Variants in TXNDC11 observed in about 807,000 individuals in gnomAD.
TXNDC11 encodes the protein thioredoxin domain-containing protein 11.
Under a neutral mutation model 78.0 loss-of-function variants are expected in TXNDC11, and 68 were observed. That is an observed-to-expected ratio of 0.87 (90% CI 0.72 to 1.07). The LOEUF (loss-of-function observed/expected upper bound fraction) is 1.07. TXNDC11 is among the 50% of genes least tolerant of loss of function. The pLI, the probability that TXNDC11 is intolerant of heterozygous loss-of-function variation, is 0.00. For missense variants in TXNDC11, 1,389 were observed against 1,221.8 expected, an observed-to-expected ratio of 1.14 and a Z score of -2.04; for synonymous variants, 571 against 495.2, an observed-to-expected ratio of 1.15 and a Z score of -2.03.
At chr16:11,703,759 A>C in intron 5 of TXNDC11, 1 of 700,898 alleles carries the variant, frequency 1.4e-6, no homozygotes, top group South Asian at 1.5e-5. Context: ...AGCTGGGGTG[A>C]AGAAAGTACA....
At chr16:11,735,885 G>GT in intron 2 of TXNDC11, 132 bp downstream of exon 2, 2 of 764,258 alleles carry the variant, frequency 2.6e-6, no homozygotes, top group South Asian at 1.6e-5. Context: ...AGAAAGCTCT[G>GT]TAACTTAGAA....
chr16:11,713,001 T>C (rs1407254435), intron 5 of TXNDC11, among the ~76,000 whole-genome samples: 2 of 148,906 alleles, frequency 1.3e-5, no homozygotes, highest in African/African-American at 5.0e-5. Flanking sequence ...AAATCCCAGC[T>C]ACTTGGGAGG....
At chr16:11,696,682 G>A (rs1597427456) in intron 7 of TXNDC11, among the ~76,000 whole-genome samples, 1 of 152,162 alleles carries the variant, frequency 6.6e-6, no homozygotes, top group African/African-American at 2.4e-5. Context: ...GAGACAATGG[G>A]AGCCCCAAAG....
intron 5 of TXNDC11, among the ~76,000 whole-genome samples, chr16:11,709,530 G>T (rs2051281460): frequency 7.1e-6 from 1 of 141,700 alleles, no homozygotes; most frequent in Non-Finnish European, 1.5e-5. Flanking sequence ...CGCCTCCCGG[G>T]TTCACGCCAT....
At chr16:11,719,827 C>T (rs2051649321) in intron 5 of TXNDC11, among the ~76,000 whole-genome samples, 1 of 152,244 alleles carries the variant, frequency 6.6e-6, no homozygotes, top group South Asian at 2.1e-4. Context: ...AAAAAAACAA[C>T]AGGGTACCCA....
At chr16:11,709,414 ATTTTTTGTATTTTTTTTT>A in intron 5 of TXNDC11, among the ~76,000 whole-genome samples, 1 of 130,722 alleles carries the variant, frequency 7.6e-6, no homozygotes, top group African/African-American at 3.0e-5. Context: ...TGCGTAGCTA[ATTTTTTGTATTTTTTTTT>A]TTTTTTTTTT....
intron 11 of TXNDC11, among the ~76,000 whole-genome samples, chr16:11,683,432 T>C (rs1158576430): frequency 6.6e-6 from 1 of 152,190 alleles, no homozygotes; most frequent in Non-Finnish European, 1.5e-5. Flanking sequence ...CCCTGTCCTC[T>C]GTACGAGAGG....
intron 4 of TXNDC11, among the ~76,000 whole-genome samples, chr16:11,727,413 A>G (rs1416417439): frequency 6.6e-6 from 1 of 152,078 alleles, no homozygotes; most frequent in Non-Finnish European, 1.5e-5. Flanking sequence ...ATATACTTAA[A>G]TTTAAACACA....
At position 11,719,881 on chromosome 16, in the gene TXNDC11, G is replaced by A. The variant is rs188292944; in HGVS notation, c.793+1696C>T. On this transcript the variant is annotated intron_variant, in intron 5 of 11. Coordinates refer to ENST00000283033, the MANE Select transcript of TXNDC11 (RefSeq NM_015914.7). ...GTTTCAGTTATTTAATTGTGGAAGC[G>A]ATATTTGGGCTGGGCCCTGACAGGT... Among the ~76,000 whole-genome samples the A allele has an allele frequency of 1.5e-3, 231 of 152,322 alleles. 1 individual carries two copies. The Middle Eastern group carries it at 0.027, about 18-fold the overall frequency.
At chr16:11,684,692 G>C (rs1325033786) in intron 10 of TXNDC11, among the ~76,000 whole-genome samples, 3 of 152,174 alleles carry the variant, frequency 2.0e-5, no homozygotes, top group African/African-American at 7.2e-5. Context: ...TATTTTCTTA[G>C]CAGATTTGAC....
intron 4 of TXNDC11, among the ~76,000 whole-genome samples, chr16:11,729,827 C>T (rs2051991875): frequency 6.6e-6 from 1 of 152,050 alleles, no homozygotes; most frequent in Non-Finnish European, 1.5e-5. Flanking sequence ...GCGTGGCGTC[C>T]CACACCTGCA....
intron 7 of TXNDC11, among the ~76,000 whole-genome samples, chr16:11,694,781 T>A (rs2050815686): frequency 6.6e-6 from 1 of 152,266 alleles, no homozygotes; most frequent in Non-Finnish European, 1.5e-5. Flanking sequence ...TTAGGCATTA[T>A]CATTTTTCTC....
chr16:11,688,752 A>ACTGT (rs2050633399), intron 8 of TXNDC11, among the ~76,000 whole-genome samples: 1 of 152,212 alleles, frequency 6.6e-6, no homozygotes, highest in Non-Finnish European at 1.5e-5. Flanking sequence ...AGACTGTATA[A>ACTGT]ATCATCAACA....
chr16:11,711,276 T>C (rs1263018161), intron 5 of TXNDC11, among the ~76,000 whole-genome samples: 1 of 152,202 alleles, frequency 6.6e-6, no homozygotes, highest in Non-Finnish European at 1.5e-5. Flanking sequence ...TCAGCTCCTG[T>C]ATTTACTGGC....
chr16:11,711,858 T>G (rs1218638034), intron 5 of TXNDC11, among the ~76,000 whole-genome samples: 1 of 152,218 alleles, frequency 6.6e-6, no homozygotes, highest in African/African-American at 2.4e-5. Flanking sequence ...AGGGTGACAG[T>G]GAAGACTGTG....
At chr16:11,701,355 T>C (rs1185837311) in intron 5 of TXNDC11, among the ~76,000 whole-genome samples, 1 of 152,002 alleles carries the variant, frequency 6.6e-6, no homozygotes, top group African/African-American at 2.4e-5. Flanking sequence ...CAGGGCAGTC[T>C]CGAACTCCTG....
At chr16:11,688,793 A>G (rs1024426317) in intron 8 of TXNDC11, among the ~76,000 whole-genome samples, 3 of 152,220 alleles carry the variant, frequency 2.0e-5, no homozygotes, top group Admixed American at 1.3e-4. Context: ...ATTTCACCCT[A>G]TAATACTAAG....
At chr16:11,699,535 C>T (rs2050951736) in intron 6 of TXNDC11, among the ~76,000 whole-genome samples, 1 of 152,204 alleles carries the variant, frequency 6.6e-6, no homozygotes, top group Non-Finnish European at 1.5e-5. Context: ...CAAACATTTC[C>T]ATTCGGAAAA....
chr16:11,685,477 G>A (rs1191450091), intron 10 of TXNDC11, among the ~76,000 whole-genome samples: 3 of 151,932 alleles, frequency 2.0e-5, no homozygotes, highest in South Asian at 2.1e-4. Context: ...AACGCCACCC[G>A]TCTCTACTAA....
Sources: allele counts gnomAD v4.1 joint callset (sites outside exome capture counted in the v4.1 genomes callset), GRCh38; gene constraint gnomAD v4.1.1; transcripts MANE v1.5; gene names NCBI Gene and HGNC (gene_info 2026-07-23, HGNC 2026-07-21).